Variants in SNAPC4 observed in about 807,000 individuals in gnomAD.
The protein encoded by SNAPC4 is snRNA-activating protein complex subunit 4.
SNAPC4 carries 127 observed loss-of-function variants against 151.3 expected under a neutral mutation model. That is an observed-to-expected ratio of 0.84 (90% CI 0.73 to 0.97). SNAPC4 has a LOEUF of 0.97. Ranked by LOEUF, SNAPC4 falls within the 50% of genes least tolerant of loss-of-function variation. The pLI, the probability that SNAPC4 is intolerant of heterozygous loss-of-function variation, is 0.00. For missense variants in SNAPC4, 2,186 were observed against 1,935.0 expected, an observed-to-expected ratio of 1.13 and a Z score of -2.43; for synonymous variants, 1,002 against 824.4, an observed-to-expected ratio of 1.22 and a Z score of -3.69.
rs753322015 is a variant in SNAPC4, at chr9:136,381,872, C to T, written c.2269G>A (p.Val757Met). ...AVTPWVGDVV[V>M]PCTQASQRPA... ...CTCTGGGAAGCCTGTGTGCAGGGCA[C>T]GACAACGTCCCCTACCCAAGGGGTC... Residue 757 changes from valine (V) to methionine (M), a missense_variant, in exon 18 of 24, where the codon GTG (valine) becomes ATG (methionine). By Grantham distance (21) the Val-to-Met change is conservative. Transcript: ENST00000684778. 2.9e-5 allele frequency: 47 copies of T among 1,612,660 alleles called. No individual in the cohort carries two copies. The highest frequency in any genetic ancestry group is 3.8e-5 in the Non-Finnish European group (45 of 1,179,974).
chr9:136,389,605 C>T (rs950940831), intron 10 of SNAPC4, among the ~76,000 whole-genome samples: 1 of 152,202 alleles, frequency 6.6e-6, no homozygotes, highest in Non-Finnish European at 1.5e-5. Context: ...CGCACGCCCC[C>T]AAGAGAGTGC....
intron 22 of SNAPC4, among the ~76,000 whole-genome samples, chr9:136,377,007 G>A (rs1343770223): frequency 6.6e-6 from 1 of 152,228 alleles, no homozygotes; most frequent in Admixed American, 6.5e-5. Context: ...AGGGGAGGAG[G>A]CCTCTCTGGG....
intron 3 of SNAPC4, among the ~76,000 whole-genome samples, 169 bp downstream of exon 3, chr9:136,396,808 G>A (rs1357371720): frequency 6.6e-6 from 1 of 152,210 alleles, no homozygotes; most frequent in East Asian, 1.9e-4. Context: ...GGTTATTTCT[G>A]GGGACAATTT....
chr9:136,378,129 C>T lies in SNAPC4; in HGVS notation c.3698G>A (p.Gly1233Glu), dbSNP rs751275706. Residue 1233 changes from glycine (G) to glutamate (E), a missense_variant, in exon 22 of 24, where the codon GGG becomes GAG. By Grantham distance (98) the Gly-to-Glu change is moderately conservative (BLOSUM62 -2). Coordinates refer to ENST00000684778, the MANE Select transcript of SNAPC4 (RefSeq NM_003086.4). The stretch of plus-strand genomic sequence containing the variant: ...GGGCAGCTTCTCCAGGCCCAGAGGC[C>T]CCCTGGGCTCCTGTGTCCCTGAGGG... ...GSPSGTQEPR[G>E]PLGLEKLPLR... 1 of 1,605,400 alleles carries T rather than the reference C, an allele frequency of 6.2e-7. No individual in the cohort carries two copies. The highest frequency in any genetic ancestry group is 2.2e-5 in the East Asian group (1 of 44,522).
chr9:136,382,042 G>T lies in SNAPC4; in HGVS notation c.2099C>A (p.Thr700Asn). 6.3e-7 allele frequency: 1 copy of T among 1,598,686 alleles called. No homozygotes were observed. The change falls in exon 18 of 24, where the codon ACC becomes AAC. Residue 700 changes from threonine to asparagine, a missense_variant. Thr to Asn is a moderately conservative substitution (Grantham distance 65). Transcript: ENST00000684778. The part of the protein sequence containing the change: ...KEQLRQPPLP[T>N]SSPGVSSGDS... ...ACCAGAGCTGACCCCTGGGGATGAGGTGGGCAGGGGTGGCTGCCTCAGCTG... is the reference window on the plus strand; with the variant it reads ...ACCAGAGCTGACCCCTGGGGATGAGTTGGGCAGGGGTGGCTGCCTCAGCTG...
chr9:136,386,854 G>T (rs1182511373), intron 13 of SNAPC4, among the ~76,000 whole-genome samples: 7 of 152,060 alleles, frequency 4.6e-5, no homozygotes, highest in African/African-American at 7.3e-5. Context: ...CCAGGCTCAA[G>T]CGATTCTCCT....
chr9:136,392,163 C>T (rs561166327), intron 9 of SNAPC4, 57 bp from the exon 10 acceptor site: 61 of 1,597,766 alleles, frequency 3.8e-5, no homozygotes, highest in Non-Finnish European at 4.5e-5. Flanking sequence ...GCACCCTAGA[C>T]GCAGCTCCAG....
Position 136,377,912 on chromosome 9 carries a change from G to A in SNAPC4, c.3915C>T (p.Pro1305=), listed in dbSNP as rs1461467198. The A allele has an allele frequency of 1.6e-5, 25 of 1,610,526 alleles. No individual in the cohort carries two copies. Among genetic ancestry groups the A allele is most frequent in the African/African-American group, 6.7e-5 (5 of 74,894 alleles). Residue 1305 remains proline (P), a synonymous_variant, in exon 22 of 24, where the codon CCC becomes CCT. Coordinates refer to ENST00000684778, the MANE Select transcript of SNAPC4 (RefSeq NM_003086.4). ...PLLGSRLPYQ[P]PALCSLRALS... is the part of the protein sequence containing the mutation. Reference sequence around the variant, plus strand: ...GAGCTCGCAGGCTGCACAGGGCTGGGGGCTGATAGGGCAGTCTGCTGCCCA... The same window carrying A: ...GAGCTCGCAGGCTGCACAGGGCTGGAGGCTGATAGGGCAGTCTGCTGCCCA...
rs768339295 is a variant in SNAPC4, at chr9:136,387,584, A to C, written c.1231-5T>G. 2.5e-6 allele frequency: 4 copies of C among 1,606,276 alleles called. No homozygotes were observed. The highest frequency in any genetic ancestry group is 3.4e-6 in the Non-Finnish European group (4 of 1,172,990). ...GGCAACAGCTTGAAGCAACTTCTGC[A>C]GGAAGGGACAGGCAGACAAGTGAAG... On this transcript the variant is annotated splice_polypyrimidine_tract_variant and splice_region_variant and intron_variant, in intron 12 of 23. Transcript: ENST00000684778.
chr9:136,377,483 C>A lies in SNAPC4; in HGVS notation c.4284+60G>T, dbSNP rs544262462. 7.4e-6 allele frequency: 11 copies of A among 1,489,026 alleles called. No individual in the cohort carries two copies. In the African/African-American group the frequency reaches 1.5e-4, roughly 21 times the overall value. 92.2% of individuals were successfully genotyped at this position (1,489,026 alleles called of 1,614,324 possible). On this transcript the variant is annotated intron_variant, in intron 22 of 23. Transcript: ENST00000684778. ...CCCCCACCCCACTGCTCCAGGCAGG[C>A]GAGGGCACCCCAGGGACCGCCGCCT...
At position 136,383,218 on chromosome 9, in the gene SNAPC4, G is replaced by C. The variant is rs374835366; in HGVS notation, c.1951C>G (p.Arg651Gly). ...SAQASHSADTRPAGAEKQALE... is the reference protein window; with the variant it reads ...SAQASHSADTGPAGAEKQALE... ...GCCTGCTTCTCTGCGCCCGCCGGGC[G>C]AGTGTCTGCTGAGTGGGAGGCCTGG... Residue 651 changes from arginine (R) to glycine (G), a missense_variant, in exon 16 of 24, where the codon CGC becomes GGC. By Grantham distance (125) the Arg-to-Gly change is moderately radical. Transcript: ENST00000684778. This position sits in a 1 kb window ranked among gnomAD's most constrained non-coding sequence, Gnocchi z 4.2. 6.4e-7 allele frequency: 1 copy of C among 1,561,204 alleles called. No individual in the cohort carries two copies. Among genetic ancestry groups the C allele is most frequent in the Admixed American group, 2.0e-5 (1 of 49,704 alleles).
At chr9:136,376,989 C>G (rs1198523464) in intron 22 of SNAPC4, among the ~76,000 whole-genome samples, 1 of 152,226 alleles carries the variant, frequency 6.6e-6, no homozygotes, top group Non-Finnish European at 1.5e-5. Context: ...AGTGGGCACC[C>G]TGGCACCAGG....
intron 2 of SNAPC4, among the ~76,000 whole-genome samples, chr9:136,397,590 T>G (rs1423800237): frequency 2.3e-5 from 2 of 87,282 alleles, no homozygotes; most frequent in African/African-American, 9.0e-5. Context: ...GGGGAGCCTA[T>G]GGGGTGGGGA....
chr9:136,395,227 A>T, intron 5 of SNAPC4, 71 bp downstream of exon 5: 1 of 1,550,802 alleles, frequency 6.4e-7, no homozygotes, highest in South Asian at 1.2e-5. Context: ...TCCCTGCAGC[A>T]GGACTTGGGG....
intron 22 of SNAPC4, among the ~76,000 whole-genome samples, chr9:136,377,170 T>G (rs1833477330): frequency 6.6e-6 from 1 of 152,192 alleles, no homozygotes; most frequent in Non-Finnish European, 1.5e-5. Context: ...CACCCTCCAC[T>G]GTGCCCATGG....
At chr9:136,382,132 C>A in intron 17 of SNAPC4, 59 bp from the exon 18 acceptor site, 1 of 1,565,040 alleles carries the variant, frequency 6.4e-7, no homozygotes. Context: ...GGAGTGGACC[C>A]TGCCCAGTGG....
rs780302363 is a variant in SNAPC4, at chr9:136,378,781, C to G, written c.3046G>C (p.Val1016Leu). The change falls in exon 22 of 24, where the codon GTG (valine) becomes CTG (leucine). Residue 1016 changes from valine to leucine, a missense_variant. By Grantham distance (32) the Val-to-Leu change is conservative. Coordinates refer to ENST00000684778, the MANE Select transcript of SNAPC4 (RefSeq NM_003086.4). ...APALGPGQIS[V>L]SCPESGLGQS... ...CCGAGACCACTCTCGGGGCAGCTCA[C>G]AGAGATCTGGCCGGGGCCCAGGGCA... 3.9e-6 allele frequency: 6 copies of G among 1,551,236 alleles called. No homozygotes were observed. Among genetic ancestry groups the G allele is most frequent in the East Asian group, 4.5e-5 (2 of 44,012 alleles).
intron 10 of SNAPC4, 109 bp from the exon 11 acceptor site, chr9:136,388,700 C>G: frequency 7.7e-7 from 1 of 1,306,696 alleles, no homozygotes; most frequent in Non-Finnish European, 1.1e-6. Flanking sequence ...CTGGGGTGAC[C>G]CTTCTGCAGA....
intron 21 of SNAPC4, among the ~76,000 whole-genome samples, chr9:136,379,567 G>A (rs1192725391): frequency 1.3e-5 from 2 of 152,222 alleles, no homozygotes; most frequent in African/African-American, 4.8e-5. Context: ...GCTTGCCGGT[G>A]TTGGGCATGG....
Sources: gnomAD v4.1 joint callset for allele counts (sites outside exome capture counted in the v4.1 genomes callset) on GRCh38, gnomAD v4.1.1 for gene constraint, Gnocchi (gnomAD v3.1) non-coding constraint, MANE v1.5 for transcripts, NCBI Gene and HGNC (gene_info 2026-07-23, HGNC 2026-07-21) for gene names.